Variants in RGS12 observed in about 807,000 individuals in gnomAD.
RGS12 encodes regulator of G-protein signaling 12.
In RGS12, 66 loss-of-function variants were observed where a neutral mutation model predicts 120.1. That is an observed-to-expected ratio of 0.55 (90% CI 0.45 to 0.67). The LOEUF is 0.67. Among genes scored for constraint, RGS12 ranks in the 30% least tolerant of loss-of-function variants. The pLI, the probability that RGS12 is intolerant of heterozygous loss-of-function variation, is 0.00. For missense variants in RGS12, 1,859 were observed against 1,957.7 expected, an observed-to-expected ratio of 0.95 and a Z score of 0.95; for synonymous variants, 827 against 804.7, an observed-to-expected ratio of 1.03 and a Z score of -0.47.
intron 4 of RGS12, among the ~76,000 whole-genome samples, chr4:3,412,442 C>T (rs1721841024): frequency 1.3e-5 from 2 of 152,260 alleles, no homozygotes; most frequent in Admixed American, 6.5e-5. Context: ...TGACCCCCTC[C>T]TGGTCTCTTT....
In RGS12 at chr4:3,316,551, A is replaced by G. The variant is rs748364919; in HGVS notation, c.381A>G (p.Lys127=). ...GGCTGAAGCCCAAGCTGGATTCTAA[A>G]GCACTAGGTATAAACAGAGCAGAGC... The part of the protein sequence containing the change: ...KGWLKPKLDS[K]ALGINRAERV... The change falls in exon 2 of 18, where the codon AAA becomes AAG. Residue 127 remains lysine (K), a synonymous_variant. Transcript: ENST00000336727. The G allele has an allele frequency of 2.5e-6, 4 of 1,614,204 alleles. No homozygotes were observed. In the East Asian group the frequency reaches 6.7e-5, roughly 27 times the overall value.
chr4:3,342,302 C>G (rs1464111265), intron 2 of RGS12: 1 of 741,424 alleles, frequency 1.3e-6, no homozygotes, highest in African/African-American at 1.9e-5. Flanking sequence ...CTGGAGCCAG[C>G]TTCTCATCTG....
intron 1 of RGS12, among the ~76,000 whole-genome samples, chr4:3,313,667 CTTCACCT>C (rs1724555730): frequency 1.3e-5 from 2 of 152,210 alleles, no homozygotes; most frequent in East Asian, 3.8e-4. Flanking sequence ...AGTCTGCTTC[CTTCACCT>C]TTCCGGCTTC....
Position 3,365,564 on chromosome 4 carries a change from G to A in RGS12, c.1999-20852G>A, listed in dbSNP as rs1008253700. The stretch of plus-strand genomic sequence containing the variant: ...TCCGACCTAAGCCTTAGTGTGAGTC[G>A]GACACGGCCTTCTTGGCTGTTGGGT... On this transcript the variant is annotated intron_variant, in intron 3 of 17. Coordinates refer to ENST00000336727, the MANE Select transcript of RGS12 (RefSeq NM_001394154.1). This position sits in a 1 kb window ranked among gnomAD's most constrained non-coding sequence, Gnocchi z 4.0. 1.3e-4 allele frequency among the ~76,000 whole-genome samples: 20 copies of A among 152,148 alleles called. No homozygotes were observed. Among genetic ancestry groups the A allele is most frequent in the African/African-American group, 4.8e-4 (20 of 41,424 alleles).
intron 4 of RGS12, among the ~76,000 whole-genome samples, chr4:3,403,047 C>T (rs190298728): frequency 3.3e-5 from 5 of 152,322 alleles, no homozygotes; most frequent in East Asian, 1.9e-4. Context: ...CTTTGCACAT[C>T]GCCTAACACT....
At chr4:3,376,790 A>G (rs979323756) in intron 3 of RGS12, among the ~76,000 whole-genome samples, 1 of 152,174 alleles carries the variant, frequency 6.6e-6, no homozygotes, top group Non-Finnish European at 1.5e-5. Context: ...GCAGTGAGCC[A>G]CTAAGCCAGG....
chr4:3,348,798 A>C (rs1210291355), intron 3 of RGS12, among the ~76,000 whole-genome samples: 3 of 152,258 alleles, frequency 2.0e-5, no homozygotes, highest in African/African-American at 4.8e-5. Context: ...AAGCAGCTGC[A>C]GCTTCTCAAG....
intron 17 of RGS12, among the ~76,000 whole-genome samples, chr4:3,437,347 C>T (rs1035752740): frequency 6.6e-6 from 1 of 152,202 alleles, no homozygotes; most frequent in Non-Finnish European, 1.5e-5. Flanking sequence ...CCTGTCCTCC[C>T]ATCTGTCCAT....
chr4:3,387,176 G>C (rs1718946476), intron 4 of RGS12, among the ~76,000 whole-genome samples: 1 of 152,242 alleles, frequency 6.6e-6, no homozygotes, highest in South Asian at 2.1e-4. Context: ...CCTGAGAGCT[G>C]GAATAGGTGC....
At chr4:3,323,337 G>A (rs1234384704) in intron 2 of RGS12, among the ~76,000 whole-genome samples, 1 of 152,250 alleles carries the variant, frequency 6.6e-6, no homozygotes, top group East Asian at 1.9e-4. Context: ...GACACAATGC[G>A]AACAGCACTG....
rs564615628 is a variant in RGS12, at chr4:3,314,790, G to C, written c.-101-1280G>C. The C allele has an allele frequency of 3.3e-5, 5 of 152,328 alleles. No homozygotes were observed. In the South Asian group the frequency reaches 1.0e-3, roughly 32 times the overall value. The allele number at this position is 152,328 out of a possible 1,614,324, so 9.4% of individuals were successfully genotyped here. On this transcript the variant is annotated intron_variant, in intron 1 of 17. Coordinates refer to ENST00000336727, the MANE Select transcript of RGS12 (RefSeq NM_001394154.1). ...ATCACTTACTGTATTGCTTTTTAAA[G>C]TGATCTTTAAAGAGTCTTGCAGAAG...
Position 3,365,266 on chromosome 4 carries a change from C to T in RGS12, c.1999-21150C>T, listed in dbSNP as rs1464384893. ...GGGCTGCAGTTCCGTCTGCTGTTTT[C>T]ATGCTACAGCGGCAGAGTGGGGTCG... On this transcript the variant is annotated intron_variant, in intron 3 of 17. Coordinates refer to ENST00000336727, the MANE Select transcript of RGS12 (RefSeq NM_001394154.1). This position sits in a 1 kb window ranked among gnomAD's most constrained non-coding sequence, Gnocchi z 4.0. 6.6e-6 allele frequency among the ~76,000 whole-genome samples: 1 copy of T among 152,194 alleles called. No individual in the cohort carries two copies. The highest frequency in any genetic ancestry group is 6.5e-5 in the Admixed American group (1 of 15,288).
chr4:3,359,755 TG>T (rs1467513611), intron 3 of RGS12, among the ~76,000 whole-genome samples: 2 of 151,740 alleles, frequency 1.3e-5, no homozygotes, highest in African/African-American at 4.8e-5. Context: ...CCTGAGTAGC[TG>T]GGAGAACAGG....
At chr4:3,325,108 G>C (rs1015413553) in intron 2 of RGS12, among the ~76,000 whole-genome samples, 2 of 152,170 alleles carry the variant, frequency 1.3e-5, no homozygotes, top group African/African-American at 2.4e-5. Context: ...TTGGTAGCTG[G>C]AGGTCAAATA....
At chr4:3,429,944 G>C (rs1335023298) in intron 16 of RGS12, among the ~76,000 whole-genome samples, 1 of 152,170 alleles carries the variant, frequency 6.6e-6, no homozygotes, top group African/African-American at 2.4e-5. Flanking sequence ...CCCTCCTCGG[G>C]TTCATTCTGC....
At chr4:3,407,786 G>A (rs1227242530) in intron 4 of RGS12, among the ~76,000 whole-genome samples, 1 of 152,202 alleles carries the variant, frequency 6.6e-6, no homozygotes, top group Non-Finnish European at 1.5e-5. Context: ...AGATAACAAC[G>A]GGCCCGGGCC....
chr4:3,338,341 T>G (rs1712703731), intron 2 of RGS12, among the ~76,000 whole-genome samples: 2 of 152,252 alleles, frequency 1.3e-5, no homozygotes, highest in Non-Finnish European at 2.9e-5. Flanking sequence ...ATTACAGGCG[T>G]GAGCCACTGT....
At chr4:3,363,583 G>A (rs943734167) in intron 3 of RGS12, among the ~76,000 whole-genome samples, 1 of 152,112 alleles carries the variant, frequency 6.6e-6, no homozygotes, top group Non-Finnish European at 1.5e-5. Context: ...ATCTGCTTGG[G>A]AAACCACAGC....
chr4:3,428,907 G>A (rs902185027), intron 16 of RGS12, among the ~76,000 whole-genome samples, 196 bp downstream of exon 16: 1 of 152,204 alleles, frequency 6.6e-6, no homozygotes, highest in Non-Finnish European at 1.5e-5. Flanking sequence ...TTGAGACTGA[G>A]TGCCAGGCCT....
Sources: gnomAD v4.1 joint callset for allele counts (sites outside exome capture counted in the v4.1 genomes callset) on GRCh38, gnomAD v4.1.1 for gene constraint, Gnocchi (gnomAD v3.1) non-coding constraint, MANE v1.5 for transcripts, NCBI Gene and HGNC (gene_info 2026-07-23, HGNC 2026-07-21) for gene names.